The following MAN2A1 variants were observed in gnomAD, a reference collection of about 807,000 sequenced individuals.
The protein encoded by MAN2A1 is alpha-mannosidase 2.
In MAN2A1, 76 loss-of-function variants were observed where a neutral mutation model predicts 142.6. The ratio of observed to expected loss-of-function variants is 0.53; its 90% confidence interval spans 0.44 to 0.65. The LOEUF is 0.65. Among genes scored for constraint, MAN2A1 ranks in the 30% least tolerant of loss-of-function variants. MAN2A1 has a pLI of 0.00. For synonymous variants in MAN2A1, 559 were observed against 473.2 expected (o/e 1.18, Z -2.35); for missense variants, 1,311 against 1,365.1 (o/e 0.96, Z 0.62).
Position 109,868,816 on chromosome 5 carries a change from A to G in MAN2A1, c.*1818A>G, listed in dbSNP as rs2112456164. 6.6e-6 allele frequency: 1 copy of G among 152,342 alleles called. No homozygotes were observed. The highest frequency in any genetic ancestry group is 1.9e-4 in the East Asian group (1 of 5,194). The allele number at this position is 152,342 out of a possible 1,614,324, so 9.4% of individuals were successfully genotyped here. A position where few individuals can be genotyped will look rare whatever the true frequency, so the allele number is the denominator to read the frequency against. ...CAGATGTTAGGGTTGCCAGAAGCAA[A>G]TCCCAGGAATGAGATCAGTATTTTC... is the stretch of plus-strand genomic sequence containing the variant. On this transcript the variant is annotated 3_prime_UTR_variant, in exon 22 of 22. Transcript: ENST00000261483.
intron 8 of MAN2A1, among the ~76,000 whole-genome samples, chr5:109,780,354 C>T (rs1002381870): frequency 2.0e-5 from 3 of 152,096 alleles, no homozygotes; most frequent in Non-Finnish European, 2.9e-5. Context: ...CCACCACACC[C>T]GGCCAGTTGT....
chr5:109,802,859 C>G (rs116387097), intron 12 of MAN2A1, among the ~76,000 whole-genome samples: 1,813 of 152,014 alleles, frequency 0.012, 22 homozygotes, highest in Non-Finnish European at 0.019. Flanking sequence ...AAAGATTTAT[C>G]GTTCTATTCT....
At chr5:109,839,138 T>A (rs1230076131) in intron 16 of MAN2A1, among the ~76,000 whole-genome samples, 1 of 152,236 alleles carries the variant, frequency 6.6e-6, no homozygotes, top group Non-Finnish European at 1.5e-5. Flanking sequence ...TGTCATCAGC[T>A]AAGCTCCCTA....
intron 18 of MAN2A1, 77 bp downstream of exon 18, chr5:109,846,083 G>A: frequency 7.8e-7 from 1 of 1,288,054 alleles, no homozygotes; most frequent in Non-Finnish European, 1.0e-6. Flanking sequence ...GGTCAGATGT[G>A]GTATAATCTC....
intron 12 of MAN2A1, among the ~76,000 whole-genome samples, chr5:109,797,656 A>C (rs1048955881): frequency 2.0e-5 from 3 of 152,186 alleles, no homozygotes; most frequent in Non-Finnish European, 4.4e-5. Context: ...AATTGATGAA[A>C]AGTTTTCTGA....
intron 15 of MAN2A1, 104 bp downstream of exon 15, chr5:109,820,446 AG>A: frequency 8.5e-7 from 1 of 1,173,362 alleles, no homozygotes; most frequent in Non-Finnish European, 1.2e-6. Context: ...TTGATTTATT[AG>A]GGATAGATGA....
At chr5:109,702,756 T>C (rs1304604983) in intron 1 of MAN2A1, among the ~76,000 whole-genome samples, 4 of 152,226 alleles carry the variant, frequency 2.6e-5, no homozygotes, top group Admixed American at 6.5e-5. Flanking sequence ...ACCAATGGTA[T>C]GATATTTAGA....
At chr5:109,845,777 C>A in intron 17 of MAN2A1, 88 bp from the exon 18 acceptor site, 1 of 976,362 alleles carries the variant, frequency 1.0e-6, no homozygotes, top group Non-Finnish European at 1.5e-6. Flanking sequence ...GTCTTTTTCT[C>A]TTGGGAAGAA....
chr5:109,707,587 G>A (rs953751636), intron 1 of MAN2A1, among the ~76,000 whole-genome samples: 6 of 152,134 alleles, frequency 3.9e-5, no homozygotes, highest in Non-Finnish European at 7.4e-5. Flanking sequence ...GAAATAAATT[G>A]AGATAAACCA....
intron 9 of MAN2A1, among the ~76,000 whole-genome samples, chr5:109,783,897 G>A (rs1417269369): frequency 6.6e-6 from 1 of 151,654 alleles, no homozygotes; most frequent in Non-Finnish European, 1.5e-5. Flanking sequence ...ACAGAGTCTT[G>A]CTCTGTTGCC....
At chr5:109,764,226 A>G (rs1273302120) in intron 5 of MAN2A1, among the ~76,000 whole-genome samples, 1 of 152,168 alleles carries the variant, frequency 6.6e-6, no homozygotes, top group Non-Finnish European at 1.5e-5. Flanking sequence ...TTTATTAGGT[A>G]CTATTCGTAT....
intron 6 of MAN2A1, among the ~76,000 whole-genome samples, chr5:109,768,422 A>T (rs575455024): frequency 6.6e-6 from 1 of 152,116 alleles, no homozygotes; most frequent in Non-Finnish European, 1.5e-5. Flanking sequence ...TGGTGAAGCA[A>T]TGGAGGCTTA....
At chr5:109,768,881 C>A (rs1008386832) in intron 6 of MAN2A1, among the ~76,000 whole-genome samples, 3 of 152,070 alleles carry the variant, frequency 2.0e-5, no homozygotes, top group Admixed American at 2.0e-4. Context: ...AAACAATTGC[C>A]CATAAATATC....
chr5:109,767,793 G>T (rs1054239687), intron 6 of MAN2A1, 85 bp downstream of exon 6: 1 of 1,142,702 alleles, frequency 8.8e-7, no homozygotes, highest in African/African-American at 1.5e-5. Context: ...TGTGGGTTTT[G>T]TTCACTGTCA....
chr5:109,710,678 T>A (rs1751274876), intron 1 of MAN2A1, among the ~76,000 whole-genome samples: 1 of 151,588 alleles, frequency 6.6e-6, no homozygotes, highest in South Asian at 2.1e-4. Context: ...CTAATTTTTA[T>A]TTTTTTATTA....
intron 16 of MAN2A1, among the ~76,000 whole-genome samples, chr5:109,841,438 C>T (rs1755202450): frequency 6.6e-6 from 1 of 152,180 alleles, no homozygotes; most frequent in Non-Finnish European, 1.5e-5. Flanking sequence ...GAATAATAGT[C>T]TCCAGTCTCA....
intron 2 of MAN2A1, among the ~76,000 whole-genome samples, chr5:109,715,494 G>A (rs1483245109): frequency 6.6e-6 from 1 of 151,822 alleles, no homozygotes; most frequent in Non-Finnish European, 1.5e-5. Flanking sequence ...ATGCTGCATT[G>A]AAAAGCTAGA....
Position 109,799,659 on chromosome 5 carries a change from C to T in MAN2A1, c.1943+10132C>T, listed in dbSNP as rs542834264. On this transcript the variant is annotated intron_variant, in intron 12 of 21. Transcript: ENST00000261483. ...ATCCCAGCTACTTGGGAGGCTAAAGCAGGAGAATCACTTGAACCCATGAGG... is the reference window on the plus strand; with the variant it reads ...ATCCCAGCTACTTGGGAGGCTAAAGTAGGAGAATCACTTGAACCCATGAGG... Among the ~76,000 whole-genome samples the T allele has an allele frequency of 7.3e-5, 11 of 151,530 alleles. No individual in the cohort carries two copies. In the East Asian group the frequency reaches 1.8e-3, roughly 24 times the overall value.
intron 4 of MAN2A1, among the ~76,000 whole-genome samples, chr5:109,739,044 G>A (rs545644768): frequency 6.6e-6 from 1 of 152,132 alleles, no homozygotes; most frequent in South Asian, 2.1e-4. Flanking sequence ...ATTTTGCCAT[G>A]TTGCGCAGGC....
Sources: allele counts gnomAD v4.1 joint callset (sites outside exome capture counted in the v4.1 genomes callset), GRCh38; gene constraint gnomAD v4.1.1; transcripts MANE v1.5; gene names NCBI Gene and HGNC (gene_info 2026-07-23, HGNC 2026-07-21).